Variants in GALNT13 observed in about 807,000 individuals in gnomAD.
The protein encoded by GALNT13 is polypeptide N-acetylgalactosaminyltransferase 13, also known as UDP-GalNAc:polypeptide N-acetylgalactosaminyltransferase 13.
GALNT13 carries 28 observed loss-of-function variants against 64.2 expected under a neutral mutation model. That is an observed-to-expected ratio of 0.44 (90% CI 0.32 to 0.60). The LOEUF is 0.60. GALNT13 is among the 20% of genes least tolerant of loss of function. GALNT13 has a pLI of 0.05. For missense variants in GALNT13, 577 were observed against 669.8 expected, an observed-to-expected ratio of 0.86 and a Z score of 1.53; for synonymous variants, 214 against 224.6, an observed-to-expected ratio of 0.95 and a Z score of 0.42.
At chr2:153,075,878 A>G in the GALNT13 span, among the ~76,000 whole-genome samples, 1 of 152,126 alleles carries the variant, frequency 6.6e-6, no homozygotes, top group Non-Finnish European at 1.5e-5. Flanking sequence ...TAATTTACAT[A>G]TGTTCTCTAC....
chr2:153,768,834 C>G, the GALNT13 span, among the ~76,000 whole-genome samples: 1 of 152,150 alleles, frequency 6.6e-6, no homozygotes, highest in Admixed American at 6.5e-5. Flanking sequence ...CCACTGCACT[C>G]CAGCCTTTGT....
At chr2:153,406,576 T>G in the GALNT13 span, among the ~76,000 whole-genome samples, 14 of 152,144 alleles carry the variant, frequency 9.2e-5, no homozygotes, top group African/African-American at 3.4e-4. Flanking sequence ...TCAGGCTAAT[T>G]TTTGTACTTT....
chr2:153,872,632 G>A (rs1686050387), intron 1 of GALNT13, among the ~76,000 whole-genome samples: 1 of 129,848 alleles, frequency 7.7e-6, no homozygotes, highest in African/African-American at 2.9e-5. Context: ...GGGGGGGGGG[G>A]GGAGCGGCTC....
At chr2:153,372,141 A>G in the GALNT13 span, among the ~76,000 whole-genome samples, 1 of 152,094 alleles carries the variant, frequency 6.6e-6, no homozygotes, top group African/African-American at 2.4e-5. Context: ...TATTCAGGTG[A>G]GCTGGGGAAT....
the GALNT13 span, among the ~76,000 whole-genome samples, chr2:153,427,405 A>G: frequency 1.1e-4 from 16 of 152,182 alleles, no homozygotes; most frequent in African/African-American, 3.9e-4. Flanking sequence ...GAGAAATTTT[A>G]AGATGAAACT....
chr2:153,863,035 C>G, the GALNT13 span, among the ~76,000 whole-genome samples: 5 of 152,090 alleles, frequency 3.3e-5, no homozygotes, highest in African/African-American at 1.2e-4. Flanking sequence ...TGAATTTTAT[C>G]CATATCGTAA....
At chr2:154,275,842 A>T (rs999623253) in intron 8 of GALNT13, among the ~76,000 whole-genome samples, 2 of 151,130 alleles carry the variant, frequency 1.3e-5, no homozygotes, top group Non-Finnish European at 3.0e-5. Context: ...CAGGAGAGGG[A>T]CTATCCCCTG....
chr2:154,106,201 T>G (rs911824817), intron 3 of GALNT13, among the ~76,000 whole-genome samples: 3 of 152,164 alleles, frequency 2.0e-5, no homozygotes, highest in Non-Finnish European at 1.5e-5. Flanking sequence ...AAAGTGCAAC[T>G]TATTTCTTAT....
At chr2:154,213,416 A>G (rs528993769) in intron 4 of GALNT13, among the ~76,000 whole-genome samples, 35 of 152,262 alleles carry the variant, frequency 2.3e-4, no homozygotes, top group Non-Finnish European at 4.7e-4. Flanking sequence ...TGGTCAAATG[A>G]CTTTGAATTT....
At chr2:154,013,463 C>T (rs1336316389) in intron 3 of GALNT13, among the ~76,000 whole-genome samples, 1 of 152,148 alleles carries the variant, frequency 6.6e-6, no homozygotes, top group African/African-American at 2.4e-5. Flanking sequence ...GGTATCAGTG[C>T]TCACCTGTGC....
chr2:153,687,347 A>G, the GALNT13 span, among the ~76,000 whole-genome samples: 3 of 140,672 alleles, frequency 2.1e-5, no homozygotes, highest in East Asian at 5.9e-4. Context: ...CAGGGATTCA[A>G]TTACTTCCTG....
the GALNT13 span, among the ~76,000 whole-genome samples, chr2:153,548,276 G>A: frequency 6.6e-6 from 1 of 152,094 alleles, no homozygotes; most frequent in African/African-American, 2.4e-5. Flanking sequence ...GATCTGCTCC[G>A]TGGATCATAA....
At chr2:154,348,542 G>A (rs796754335) in intron 9 of GALNT13, among the ~76,000 whole-genome samples, 3 of 151,882 alleles carry the variant, frequency 2.0e-5, no homozygotes, top group African/African-American at 7.3e-5. Context: ...TGAAAAATGT[G>A]TTCATTCCCT....
the GALNT13 span, among the ~76,000 whole-genome samples, chr2:153,315,770 G>C: frequency 6.6e-6 from 1 of 152,048 alleles, no homozygotes; most frequent in Non-Finnish European, 1.5e-5. Context: ...TAGTTGCTAA[G>C]ATTGGTCATA....
At chr2:153,535,479 C>T in the GALNT13 span, among the ~76,000 whole-genome samples, 19 of 152,114 alleles carry the variant, frequency 1.2e-4, no homozygotes, top group Non-Finnish European at 2.1e-4. Flanking sequence ...TAGTTGAGAA[C>T]GGTGAATAGG....
chr2:154,325,192 T>G (rs879901841), intron 9 of GALNT13, among the ~76,000 whole-genome samples: 3 of 151,740 alleles, frequency 2.0e-5, no homozygotes, highest in Non-Finnish European at 4.4e-5. Context: ...AACAGGAACA[T>G]CCTTATCCCT....
chr2:153,545,510 G>T, the GALNT13 span, among the ~76,000 whole-genome samples: 1 of 152,300 alleles, frequency 6.6e-6, no homozygotes, highest in South Asian at 2.1e-4. Flanking sequence ...GGATATTGGA[G>T]GGCAAGCAGC....
chr2:154,172,091 CT>C (rs893870976), intron 4 of GALNT13, among the ~76,000 whole-genome samples: 42 of 151,830 alleles, frequency 2.8e-4, no homozygotes, highest in Middle Eastern at 3.4e-3. Context: ...GAGTTTCTAA[CT>C]ATCTTTGCCA....
At chr2:153,124,380 G>A in the GALNT13 span, among the ~76,000 whole-genome samples, 1 of 152,202 alleles carries the variant, frequency 6.6e-6, no homozygotes, top group South Asian at 2.1e-4. Flanking sequence ...AATTTATTAT[G>A]CAGCAATAGA....
Sources: gnomAD v4.1 joint callset for allele counts (sites outside exome capture counted in the v4.1 genomes callset) on GRCh38, gnomAD v4.1.1 for gene constraint, MANE v1.5 for transcripts, NCBI Gene and HGNC (gene_info 2026-07-23, HGNC 2026-07-21) for gene names.